ECPAS: variants seen among roughly 807,000 people sequenced by gnomAD.
ECPAS encodes the protein Ecm29 proteasome adaptor and scaffold.
A neutral mutation model predicts 255.1 loss-of-function variants in ECPAS; 70 were observed. The observed-to-expected ratio is 0.27, with a 90% CI of 0.23 to 0.33. ECPAS has a LOEUF of 0.33. Ranked by LOEUF, ECPAS falls within the 10% of genes least tolerant of loss-of-function variation. The probability of loss-of-function intolerance (pLI) is 1.00; values close to 1 mark genes in which losing one functional copy is unlikely to be tolerated. For synonymous variants in ECPAS, 784 were observed against 775.0 expected (o/e 1.01, Z -0.19); for missense variants, 1,817 against 2,206.4 (o/e 0.82, Z 3.54).
At position 111,373,916 on chromosome 9, in the gene ECPAS, G is replaced by A. The variant is rs115902105; in HGVS notation, c.4177+56C>T. On this transcript the variant is annotated intron_variant, in intron 39 of 49. Coordinates refer to ENST00000684092, the MANE Select transcript of ECPAS (RefSeq NM_001364929.1). ...AAGTATTTTTCCTTTTTAAAACTCT[G>A]TCACACAAGACAGGGCTGTGCAAAA... The A allele has an allele frequency of 4.5e-4, 602 of 1,344,912 alleles. 4 individuals carry two copies. In the African/African-American group the frequency reaches 7.9e-3, roughly 18 times the overall value. 83.3% of individuals were successfully genotyped at this position (1,344,912 alleles called of 1,614,324 possible).
At chr9:111,400,815 G>A (rs543981972) in intron 24 of ECPAS, among the ~76,000 whole-genome samples, 29 of 152,158 alleles carry the variant, frequency 1.9e-4, no homozygotes, top group Non-Finnish European at 3.8e-4. Context: ...TTGCCTTAAA[G>A]AGGAAACAGA....
intron 1 of ECPAS, among the ~76,000 whole-genome samples, chr9:111,479,664 A>T (rs966220799): frequency 3.9e-5 from 6 of 152,066 alleles, no homozygotes; most frequent in East Asian, 1.9e-4. Context: ...ACTATTTTTT[A>T]AAAAATAAAG....
chr9:111,420,366 T>G (rs936553278), intron 15 of ECPAS, among the ~76,000 whole-genome samples: 26 of 152,142 alleles, frequency 1.7e-4, no homozygotes, highest in African/African-American at 6.0e-4. Context: ...TTTTAGAGGA[T>G]CCTCCAGGTG....
intron 3 of ECPAS, among the ~76,000 whole-genome samples, chr9:111,446,701 G>T (rs928468069): frequency 2.0e-5 from 3 of 152,182 alleles, no homozygotes; most frequent in Non-Finnish European, 2.9e-5. Context: ...AACCAGTGAG[G>T]TGGTGTCATT....
In ECPAS at chr9:111,361,767, G is replaced by A; in HGVS notation, c.*263C>T. ...TTTAATAACAGCTTGAACTCTTTTA[G>A]TAACTATTTCTGCCAGTTTCCTTTA... is the stretch of plus-strand genomic sequence containing the variant. On this transcript the variant is annotated 3_prime_UTR_variant, in exon 50 of 50. Coordinates refer to ENST00000684092, the MANE Select transcript of ECPAS (RefSeq NM_001364929.1). 1 of 290,820 alleles carries A rather than the reference G, an allele frequency of 3.4e-6. No individual in the cohort carries two copies. 18.0% of individuals were successfully genotyped at this position (290,820 alleles called of 1,614,324 possible). A position where few individuals can be genotyped will look rare whatever the true frequency, so the allele number is the denominator to read the frequency against.
intron 35 of ECPAS, among the ~76,000 whole-genome samples, chr9:111,379,530 T>C (rs534001728): frequency 1.3e-5 from 2 of 152,236 alleles, no homozygotes; most frequent in South Asian, 2.1e-4. Flanking sequence ...CTGGCGTGGC[T>C]GTCGTAATTT....
chr9:111,470,773 C>CACACACACACACACAG (rs2098286796), intron 2 of ECPAS, among the ~76,000 whole-genome samples: 2 of 151,514 alleles, frequency 1.3e-5, no homozygotes, highest in Admixed American at 6.6e-5. Context: ...CACACACACA[C>CACACACACACACACAG]ACACACACAC....
intron 2 of ECPAS, among the ~76,000 whole-genome samples, chr9:111,466,224 G>A (rs1355202031): frequency 1.3e-5 from 2 of 152,094 alleles, no homozygotes; most frequent in Admixed American, 6.6e-5. Flanking sequence ...CGAGGTAAGT[G>A]ATCACGAGGT....
At chr9:111,389,796 T>G (rs1589134940) in intron 30 of ECPAS, 73 bp from the exon 31 acceptor site, 2 of 1,442,302 alleles carry the variant, frequency 1.4e-6, no homozygotes, top group Non-Finnish European at 1.9e-6. Flanking sequence ...AAATTCTCCC[T>G]CCAAACTTAT....
chr9:111,444,992 CTTT>C (rs373389870), intron 3 of ECPAS, among the ~76,000 whole-genome samples: 10 of 105,578 alleles, frequency 9.5e-5, no homozygotes, highest in South Asian at 3.0e-4. Flanking sequence ...CTGCTCCTGG[CTTT>C]TTTTTTTTTT....
At chr9:111,460,038 A>G (rs181903988) in intron 2 of ECPAS, among the ~76,000 whole-genome samples, 2 of 152,352 alleles carry the variant, frequency 1.3e-5, no homozygotes, top group African/African-American at 4.8e-5. Flanking sequence ...CAAATGAGAT[A>G]ATAAAATAAT....
At chr9:111,401,396 G>C (rs577610183) in intron 24 of ECPAS, among the ~76,000 whole-genome samples, 9 of 152,308 alleles carry the variant, frequency 5.9e-5, no homozygotes, top group South Asian at 2.1e-4. Context: ...GGGGAGGGGG[G>C]TGTACAAACA....
intron 2 of ECPAS, among the ~76,000 whole-genome samples, chr9:111,464,831 A>G (rs954311239): frequency 6.6e-6 from 1 of 152,178 alleles, no homozygotes; most frequent in African/African-American, 2.4e-5. Flanking sequence ...AAGAAAAATG[A>G]TATGATAAGG....
intron 1 of ECPAS, among the ~76,000 whole-genome samples, chr9:111,475,579 A>G (rs1349400015): frequency 6.6e-6 from 1 of 152,172 alleles, no homozygotes; most frequent in African/African-American, 2.4e-5. Flanking sequence ...TACTAAAAAT[A>G]CAAAAATTAG....
intron 25 of ECPAS, among the ~76,000 whole-genome samples, chr9:111,395,549 CA>C (rs1024886418): frequency 6.6e-6 from 1 of 152,076 alleles, no homozygotes; most frequent in Non-Finnish European, 1.5e-5. Flanking sequence ...GATTCCTTTG[CA>C]TGAGTAAAAA....
chr9:111,416,438 T>C, intron 17 of ECPAS, 86 bp from the exon 18 acceptor site: 3 of 928,072 alleles, frequency 3.2e-6, no homozygotes, highest in Non-Finnish European at 3.5e-6. Flanking sequence ...ACTGTGTTTC[T>C]AGCTACATGT....
chr9:111,395,296 G>A (rs192507188), intron 25 of ECPAS, among the ~76,000 whole-genome samples: 339 of 152,080 alleles, frequency 2.2e-3, no homozygotes, highest in African/African-American at 7.6e-3. Flanking sequence ...ATGTTAAGAC[G>A]GCTAAGACCT....
intron 1 of ECPAS, 111 bp downstream of exon 1, chr9:111,484,005 T>G: frequency 9.9e-7 from 1 of 1,012,432 alleles, no homozygotes. Context: ...CCGCCCCGCG[T>G]GCGCTCCCCG....
chr9:111,373,865 C>T (rs2131519840), intron 39 of ECPAS, 107 bp downstream of exon 39: 2 of 797,088 alleles, frequency 2.5e-6, no homozygotes, highest in African/African-American at 1.7e-5. Flanking sequence ...AAAAGGCACA[C>T]AGCATCACAA....
Sources: allele counts gnomAD v4.1 joint callset (sites outside exome capture counted in the v4.1 genomes callset), GRCh38; gene constraint gnomAD v4.1.1; transcripts MANE v1.5; gene names NCBI Gene and HGNC (gene_info 2026-07-23, HGNC 2026-07-21).